The following PRMT8 variants were observed in gnomAD, a reference collection of about 807,000 sequenced individuals.
PRMT8 encodes protein arginine methyltransferase 8, also known as protein arginine N-methyltransferase 8.
Under a neutral mutation model 47.1 loss-of-function variants are expected in PRMT8, and 7 were observed. The observed-to-expected ratio is 0.15, with a 90% CI of 0.08 to 0.28. The LOEUF (loss-of-function observed/expected upper bound fraction) is 0.28, where lower values mean the gene tolerates loss of function less well. PRMT8 is among the 10% of genes least tolerant of loss of function. The pLI is 1.00. For synonymous variants in PRMT8, 188 were observed against 186.5 expected (o/e 1.01, Z -0.07); for missense variants, 237 against 505.4 (o/e 0.47, Z 5.09).
At chr12:3,389,497 T>C (rs1230468266) in intron 1 of PRMT8, among the ~76,000 whole-genome samples, 1 of 152,202 alleles carries the variant, frequency 6.6e-6, no homozygotes, top group Non-Finnish European at 1.5e-5. Context: ...GGTTGTTCAT[T>C]CTTCAATAGC....
upstream of PRMT8, among the ~76,000 whole-genome samples, chr12:3,488,270 C>T (rs933104006): frequency 5.3e-5 from 8 of 152,038 alleles, no homozygotes; most frequent in Admixed American, 5.2e-4. Context: ...AACTCATGTG[C>T]CTAGGACAGG....
intron 1 of PRMT8, among the ~76,000 whole-genome samples, chr12:3,415,250 G>A (rs1043167710): frequency 6.6e-5 from 10 of 152,152 alleles, no homozygotes; most frequent in South Asian, 2.1e-4. Flanking sequence ...GAGCTTCCAC[G>A]CCTTTCCTGG....
chr12:3,396,258 A>C (rs1864247783), intron 1 of PRMT8, among the ~76,000 whole-genome samples: 2 of 152,068 alleles, frequency 1.3e-5, no homozygotes, highest in Non-Finnish European at 2.9e-5. Flanking sequence ...TGTCATTATG[A>C]TGTTAGCTGG....
chr12:3,554,082 T>A (rs1054085946), intron 4 of PRMT8, among the ~76,000 whole-genome samples: 1 of 152,130 alleles, frequency 6.6e-6, no homozygotes, highest in Non-Finnish European at 1.5e-5. Flanking sequence ...CCCGACCCAA[T>A]GTTTCCCCAC....
intron 1 of PRMT8, among the ~76,000 whole-genome samples, chr12:3,439,864 T>G (rs1465782956): frequency 6.6e-6 from 1 of 152,214 alleles, no homozygotes. Context: ...GAGGATTTAT[T>G]GTTTTCAGTG....
intron 1 of PRMT8, among the ~76,000 whole-genome samples, chr12:3,454,583 A>T (rs1398274967): frequency 6.6e-6 from 1 of 152,096 alleles, no homozygotes; most frequent in Non-Finnish European, 1.5e-5. Flanking sequence ...CAAGAGCGGC[A>T]TGTGGCATTT....
At chr12:3,547,507 G>A (rs1228883020) in intron 2 of PRMT8, among the ~76,000 whole-genome samples, 1 of 152,012 alleles carries the variant, frequency 6.6e-6, no homozygotes, top group Non-Finnish European at 1.5e-5. Flanking sequence ...GCCAGGCATG[G>A]TGGCTCACAT....
chr12:3,519,138 A>T (rs1434869736), intron 1 of PRMT8, among the ~76,000 whole-genome samples: 1 of 152,132 alleles, frequency 6.6e-6, no homozygotes, highest in Non-Finnish European at 1.5e-5. Context: ...GCAGACGGAC[A>T]GAGGGGAGCC....
At chr12:3,432,815 CACTTGGGACTCA>C (rs1458770689) in intron 1 of PRMT8, among the ~76,000 whole-genome samples, 1 of 152,056 alleles carries the variant, frequency 6.6e-6, no homozygotes, top group Non-Finnish European at 1.5e-5. Flanking sequence ...GCAATGCAGT[CACTTGGGACTCA>C]ACACATGAAA....
In PRMT8 at chr12:3,493,904, CT is replaced by C. The variant is rs1304011720; in HGVS notation, c.75+2206del. 6.6e-6 allele frequency among the ~76,000 whole-genome samples: 1 copy of C among 152,246 alleles called. No individual in the cohort carries two copies. The highest frequency in any genetic ancestry group is 1.5e-5 in the Non-Finnish European group (1 of 68,044). On this transcript the variant is annotated intron_variant, in intron 1 of 9. Coordinates refer to ENST00000382622, the MANE Select transcript of PRMT8 (RefSeq NM_019854.5). The surrounding 1 kb of genome is among the most constrained non-coding windows in gnomAD (Gnocchi z 8.2). The stretch of plus-strand genomic sequence containing the variant: ...TGTGAGCCAGGTTGGCGGATCGGTT[CT>C]TAGCAACTTCCCTGGAGAAGGGGTA...
chr12:3,433,646 C>G (rs1227698377), intron 1 of PRMT8, among the ~76,000 whole-genome samples: 1 of 152,060 alleles, frequency 6.6e-6, no homozygotes, highest in Non-Finnish European at 1.5e-5. Flanking sequence ...AAGTCTCGCT[C>G]TGTCACCCAG....
intron 1 of PRMT8, among the ~76,000 whole-genome samples, chr12:3,426,641 C>T (rs540444050): frequency 5.9e-5 from 9 of 152,116 alleles, no homozygotes; most frequent in East Asian, 5.8e-4. Flanking sequence ...TAGTTTGAGG[C>T]GAAATTGACT....
At chr12:3,495,439 G>A (rs1051668152) in intron 1 of PRMT8, among the ~76,000 whole-genome samples, 5 of 152,128 alleles carry the variant, frequency 3.3e-5, no homozygotes, top group African/African-American at 1.2e-4. Context: ...TGCCTGTGCC[G>A]GTCTTTCCTC....
At chr12:3,448,922 A>T (rs1051493521) in intron 1 of PRMT8, among the ~76,000 whole-genome samples, 1 of 152,022 alleles carries the variant, frequency 6.6e-6, no homozygotes, top group East Asian at 1.9e-4. Context: ...AGTGTGTGCT[A>T]TTCCCCTCCC....
At chr12:3,516,978 G>A (rs1283607526) in intron 1 of PRMT8, among the ~76,000 whole-genome samples, 1 of 151,990 alleles carries the variant, frequency 6.6e-6, no homozygotes, top group African/African-American at 2.4e-5. Context: ...AATGCATTGT[G>A]GGCTGCAACA....
intron 1 of PRMT8, among the ~76,000 whole-genome samples, chr12:3,470,617 C>T (rs1429545765): frequency 2.6e-5 from 4 of 151,772 alleles, no homozygotes; most frequent in African/African-American, 9.7e-5. Context: ...AAACCTCCTT[C>T]CTGGAACAGG....
chr12:3,589,273 T>C (rs966719003), intron 8 of PRMT8, among the ~76,000 whole-genome samples: 2 of 152,200 alleles, frequency 1.3e-5, no homozygotes, highest in African/African-American at 4.8e-5. Context: ...GCAGGAGGTT[T>C]GATCACCCTT....
chr12:3,434,397 G>T (rs566445768), intron 1 of PRMT8, among the ~76,000 whole-genome samples: 1 of 152,106 alleles, frequency 6.6e-6, no homozygotes. Flanking sequence ...GCAGGCCACC[G>T]TTCTCCTTGC....
intron 1 of PRMT8, 62 bp downstream of exon 1, chr12:3,491,762 G>A: frequency 3.2e-6 from 5 of 1,546,150 alleles, no homozygotes; most frequent in Non-Finnish European, 3.5e-6. Flanking sequence ...CCACCGCGCC[G>A]CCGCCGCCGC....
Sources: allele counts gnomAD v4.1 joint callset (sites outside exome capture counted in the v4.1 genomes callset), GRCh38; gene constraint gnomAD v4.1.1; non-coding constraint Gnocchi (gnomAD v3.1); transcripts MANE v1.5; gene names NCBI Gene and HGNC (gene_info 2026-07-23, HGNC 2026-07-21).